The following TCF20 variants were observed in gnomAD, a reference collection of about 807,000 sequenced individuals.
TCF20 encodes transcription factor 20, also known as SPRE-binding protein.
TCF20 carries 3 observed loss-of-function variants against 148.6 expected under a neutral mutation model. The ratio of observed to expected loss-of-function variants is 0.02; its 90% CI spans 0.01 to 0.05. TCF20 has a LOEUF of 0.05. Among genes scored for constraint, TCF20 ranks in the 10% least tolerant of loss-of-function variants. The pLI, the probability that TCF20 is intolerant of heterozygous loss-of-function variation, is 1.00. For synonymous variants in TCF20, 1,049 were observed against 909.5 expected (o/e 1.15, Z -2.76); for missense variants, 2,350 against 2,429.3 (o/e 0.97, Z 0.69).
chr22:42,209,459 C>T (rs1198955048), intron 2 of TCF20, among the ~76,000 whole-genome samples, 192 bp downstream of exon 2: 1 of 152,102 alleles, frequency 6.6e-6, no homozygotes, highest in East Asian at 1.9e-4. Context: ...TTATACATTT[C>T]AAAAAATGAA....
Position 42,212,578 on chromosome 22 carries a change from G to C in TCF20, c.2728C>G (p.Leu910Val). ...TCCATGGACACCAAACCACCAGGAA[G>C]AATGACCGACTGACTTAAAGTTGGA... ...LNPTLSQSVI[L>V]PGGLVSMETK... The change falls in exon 2 of 6, where the codon CTT becomes GTT. Residue 910 changes from leucine (L) to valine (V), a missense_variant. Coordinates refer to ENST00000677622, the MANE Select transcript of TCF20 (RefSeq NM_001378418.1). 1 of 1,614,084 alleles carries C rather than the reference G, an allele frequency of 6.2e-7. No homozygotes were observed. Among genetic ancestry groups the C allele is most frequent in the East Asian group, 2.2e-5 (1 of 44,878 alleles).
rs71184878 is a variant in TCF20, at chr22:42,251,492, CT to C, written c.-37+18846del. Among the ~76,000 whole-genome samples, 385 of 46,988 alleles carry C rather than the reference CT, an allele frequency of 8.2e-3. 1 individual carries two copies. The highest frequency in any genetic ancestry group is 0.024 in the African/African-American group (265 of 11,082). 30.8% of individuals were successfully genotyped at this position (46,988 alleles called of 152,430 possible). A position where few individuals can be genotyped will look rare whatever the true frequency, so the allele number is the denominator to read the frequency against. On this transcript the variant is annotated intron_variant, in intron 1 of 5. Coordinates refer to ENST00000677622, the MANE Select transcript of TCF20 (RefSeq NM_001378418.1). Reference sequence around the variant, plus strand: ...ACTCTGTACCTGGCCAAACAAGTGTCTTTTTTTTTTTTTTTTTTTTTTTTTT... The same window carrying C: ...ACTCTGTACCTGGCCAAACAAGTGTCTTTTTTTTTTTTTTTTTTTTTTTTT...
chr22:42,194,225 T>C (rs562175164), intron 2 of TCF20, among the ~76,000 whole-genome samples: 1 of 152,284 alleles, frequency 6.6e-6, no homozygotes, highest in East Asian at 1.9e-4. Flanking sequence ...ACAAGATTTT[T>C]TGTTGGCATA....
At chr22:42,258,159 C>T (rs1275094126) in intron 1 of TCF20, among the ~76,000 whole-genome samples, 1 of 152,160 alleles carries the variant, frequency 6.6e-6, no homozygotes, top group Non-Finnish European at 1.5e-5. Context: ...TAACTACTTT[C>T]TTACTTTATC....
rs185882794 is a variant in TCF20, at chr22:42,319,153, A to G, written c.-37+24326T>C. On this transcript the variant is annotated intron_variant, in intron 1 of 1. Coordinates refer to the TCF20 transcript ENST00000515426. ...AAGGAGGTATGTGACCGTCACACGT[A>G]AAGTCTAGGAAGACTTCCTGGAGGA... Among the ~76,000 whole-genome samples, 13 of 152,314 alleles carry G rather than the reference A, an allele frequency of 8.5e-5. 1 individual carries two copies. The East Asian group carries it at 2.3e-3, about 27-fold the overall frequency.
chr22:42,163,756 A>G (rs1443398626), intron 5 of TCF20, among the ~76,000 whole-genome samples: 1 of 152,208 alleles, frequency 6.6e-6, no homozygotes. Flanking sequence ...CAGCCTGAGC[A>G]GCAGGAGCGA....
chr22:42,253,116 G>T (rs1420446130), intron 1 of TCF20, among the ~76,000 whole-genome samples: 1 of 152,030 alleles, frequency 6.6e-6, no homozygotes, highest in Non-Finnish European at 1.5e-5. Flanking sequence ...ATTTATAAGT[G>T]GCAAAAGAAA....
At position 42,338,347 on chromosome 22, in the gene TCF20, G is replaced by C. The variant is rs917906199; in HGVS notation, c.-37+5132C>G. 1.3e-5 allele frequency among the ~76,000 whole-genome samples: 2 copies of C among 152,230 alleles called. No homozygotes were observed. Among genetic ancestry groups the C allele is most frequent in the African/African-American group, 4.8e-5 (2 of 41,470 alleles). On this transcript the variant is annotated intron_variant, in intron 1 of 1. Coordinates refer to the TCF20 transcript ENST00000515426. The surrounding 1 kb of genome is among the most constrained non-coding windows in gnomAD (Gnocchi z 4.0). The stretch of plus-strand genomic sequence containing the variant: ...TAATAACGGGTTAACCATCACCCCT[G>C]GCAGGCAGCAGATCTGCATTTTCAC...
intron 1 of TCF20, among the ~76,000 whole-genome samples, chr22:42,266,599 G>A (rs992916957): frequency 2.6e-5 from 4 of 151,840 alleles, no homozygotes; most frequent in Non-Finnish European, 5.9e-5. Context: ...CCAAGATGGC[G>A]AATCCCCATC....
intron 3 of TCF20, among the ~76,000 whole-genome samples, chr22:42,173,045 C>G (rs1936222386): frequency 6.6e-6 from 1 of 151,596 alleles, no homozygotes; most frequent in African/African-American, 2.4e-5. Context: ...AAGTCTGCAG[C>G]AGAGATAGCA....
chr22:42,341,996 G>A (rs1048655100), intron 1 of TCF20, among the ~76,000 whole-genome samples: 2 of 152,122 alleles, frequency 1.3e-5, no homozygotes, highest in African/African-American at 4.8e-5. Flanking sequence ...GTGTGGGGAA[G>A]AGACCATCTC....
rs528971183 is a variant in TCF20, at chr22:42,179,084, G to A, written c.5749+525C>T. Among the ~76,000 whole-genome samples the A allele has an allele frequency of 3.3e-3, 496 of 150,820 alleles. 4 individuals carry two copies. Among genetic ancestry groups the A allele is most frequent in the African/African-American group, 0.012 (481 of 41,042 alleles). On this transcript the variant is annotated intron_variant, in intron 3 of 5. Transcript: ENST00000677622. ...CACATATGACAGCAAGTGTCAGGGA[G>A]GACCTGGGGAAAGGAGAACACTCAT...
At chr22:42,242,526 TAC>T in intron 1 of TCF20, among the ~76,000 whole-genome samples, 1 of 152,220 alleles carries the variant, frequency 6.6e-6, no homozygotes, top group South Asian at 2.1e-4. Flanking sequence ...TAGACGAACT[TAC>T]AACACTCTCA....
intron 2 of TCF20, among the ~76,000 whole-genome samples, chr22:42,197,276 T>A (rs2147148460): frequency 6.6e-6 from 1 of 152,282 alleles, no homozygotes; most frequent in East Asian, 1.9e-4. Context: ...AAAGTTAGTT[T>A]TATCCTTTAC....
chr22:42,213,325 C>A lies in TCF20; in HGVS notation c.1981G>T (p.Gly661Ter). ...SLPQPEPPGG[G>*]GSKGNKNGDN... Reference sequence around the variant, plus strand: ...CCATTCTTGTTTCCTTTGCTCCCTCCTCCTCCTGGAGGCTCTGGCTGGGGA... The same window carrying A: ...CCATTCTTGTTTCCTTTGCTCCCTCATCCTCCTGGAGGCTCTGGCTGGGGA... The change falls in exon 2 of 6, where the codon GGA becomes TGA. Residue 661 changes from glycine to a stop codon, truncating the protein, a stop_gained. Transcript: ENST00000677622. LOFTEE classifies it high-confidence loss of function. 1 of 1,614,216 alleles carries A rather than the reference C, an allele frequency of 6.2e-7. No homozygotes were observed. The highest frequency in any genetic ancestry group is 8.5e-7 in the Non-Finnish European group (1 of 1,180,044).
intron 1 of TCF20, among the ~76,000 whole-genome samples, chr22:42,310,462 T>G (rs1927514057): frequency 6.7e-6 from 1 of 149,632 alleles, no homozygotes; most frequent in Non-Finnish European, 1.5e-5. Context: ...TAAGTGGTGC[T>G]AAGAGACTGT....
chr22:42,261,843 T>A (rs1426066347), intron 1 of TCF20, among the ~76,000 whole-genome samples: 1 of 152,050 alleles, frequency 6.6e-6, no homozygotes, highest in East Asian at 1.9e-4. Context: ...ATACAAAAAT[T>A]AGCTGGGCCT....
At chr22:42,209,526 A>T in intron 2 of TCF20, 125 bp downstream of exon 2, 2 of 1,133,616 alleles carry the variant, frequency 1.8e-6, no homozygotes, top group South Asian at 3.3e-5. Context: ...TTTTCTGTCC[A>T]TCACATGGGC....
At chr22:42,300,143 G>A (rs1927310364) in intron 1 of TCF20, among the ~76,000 whole-genome samples, 1 of 152,108 alleles carries the variant, frequency 6.6e-6, no homozygotes, top group African/African-American at 2.4e-5. Flanking sequence ...GAATATCAGG[G>A]GGTTAGGGGA....
Sources: allele counts gnomAD v4.1 joint callset (sites outside exome capture counted in the v4.1 genomes callset), GRCh38; gene constraint gnomAD v4.1.1; non-coding constraint Gnocchi (gnomAD v3.1); transcripts MANE v1.5; gene names NCBI Gene and HGNC (gene_info 2026-07-23, HGNC 2026-07-21).